The following TCF7L2 variants were observed in gnomAD, a reference collection of about 807,000 sequenced individuals.
The protein encoded by TCF7L2 is transcription factor 7 like 2.
Under a neutral mutation model 77.9 loss-of-function variants are expected in TCF7L2, and 23 were observed. The observed-to-expected ratio is 0.30, with a 90% CI of 0.21 to 0.42. TCF7L2 has a LOEUF of 0.42. TCF7L2 is among the 10% of genes least tolerant of loss of function. The probability of loss-of-function intolerance (pLI) is 1.00; values close to 1 mark genes in which losing one functional copy is unlikely to be tolerated. For synonymous variants in TCF7L2, 413 were observed against 340.2 expected, an observed-to-expected ratio of 1.21 and a Z score of -2.36; for missense variants, 654 against 793.1, an observed-to-expected ratio of 0.82 and a Z score of 2.11.
At chr10:112,989,652 G>A (rs1001632408) in intron 4 of TCF7L2, among the ~76,000 whole-genome samples, 1 of 152,126 alleles carries the variant, frequency 6.6e-6, no homozygotes, top group Non-Finnish European at 1.5e-5. Context: ...ATAAATAGGC[G>A]CGTTGCTATG....
intron 4 of TCF7L2, among the ~76,000 whole-genome samples, chr10:113,012,615 A>G (rs977240578): frequency 6.6e-6 from 1 of 152,204 alleles, no homozygotes; most frequent in Non-Finnish European, 1.5e-5. Context: ...CTGTGATGAA[A>G]GGGTTTGCTG....
intron 3 of TCF7L2, among the ~76,000 whole-genome samples, chr10:112,961,383 C>T (rs1023537570): frequency 6.6e-6 from 1 of 152,064 alleles, no homozygotes; most frequent in Non-Finnish European, 1.5e-5. Context: ...CGCAGTCTCA[C>T]CTCATATTCC....
intron 5 of TCF7L2, among the ~76,000 whole-genome samples, chr10:113,091,349 A>G (rs2060384967): frequency 6.6e-6 from 1 of 152,214 alleles, no homozygotes; most frequent in Non-Finnish European, 1.5e-5. Flanking sequence ...TTTTGACACT[A>G]TAACATGTGC....
intron 4 of TCF7L2, among the ~76,000 whole-genome samples, chr10:112,988,715 T>C (rs563631600): frequency 6.6e-6 from 1 of 152,356 alleles, no homozygotes; most frequent in East Asian, 1.9e-4. Flanking sequence ...GCTCACATTT[T>C]TGAGGTCCTC....
chr10:113,154,193 G>A (rs957911006), intron 11 of TCF7L2, among the ~76,000 whole-genome samples: 1 of 152,150 alleles, frequency 6.6e-6, no homozygotes, highest in Non-Finnish European at 1.5e-5. Flanking sequence ...GAAAGTGAAT[G>A]CTCTCCCACA....
At chr10:113,078,112 T>G (rs2058923204) in intron 5 of TCF7L2, among the ~76,000 whole-genome samples, 1 of 138,864 alleles carries the variant, frequency 7.2e-6, no homozygotes, top group Non-Finnish European at 1.5e-5. Flanking sequence ...ATTCATCAGT[T>G]GATGGCAAGC....
chr10:112,995,455 G>A (rs1564760543), intron 4 of TCF7L2, among the ~76,000 whole-genome samples: 1 of 152,162 alleles, frequency 6.6e-6, no homozygotes, highest in African/African-American at 2.4e-5. Flanking sequence ...GGCTGTCCAC[G>A]TTCATGCAAT....
At chr10:113,048,979 A>G (rs755682251) in intron 5 of TCF7L2, among the ~76,000 whole-genome samples, 3 of 152,118 alleles carry the variant, frequency 2.0e-5, no homozygotes, top group Non-Finnish European at 4.4e-5. Context: ...AGAAGGAGAA[A>G]ACAACTGGAT....
At chr10:113,054,095 G>A (rs1210056044) in intron 5 of TCF7L2, among the ~76,000 whole-genome samples, 1 of 152,228 alleles carries the variant, frequency 6.6e-6, no homozygotes, top group Non-Finnish European at 1.5e-5. Flanking sequence ...GATGCTGTTA[G>A]TTCCTGTTGA....
At chr10:113,129,591 A>T in intron 5 of TCF7L2, 1 of 1,104,738 alleles carries the variant, frequency 9.1e-7, no homozygotes, top group Non-Finnish European at 1.1e-6. Flanking sequence ...GGATGTGTGT[A>T]CAGGGGGAAG....
At chr10:113,059,054 G>A (rs989151975) in intron 5 of TCF7L2, among the ~76,000 whole-genome samples, 2 of 152,154 alleles carry the variant, frequency 1.3e-5, no homozygotes, top group Non-Finnish European at 2.9e-5. Context: ...GATAAAAAGA[G>A]TAGGAAAGTG....
At chr10:113,077,483 C>T (rs903237561) in intron 5 of TCF7L2, among the ~76,000 whole-genome samples, 2 of 152,130 alleles carry the variant, frequency 1.3e-5, no homozygotes, top group African/African-American at 4.8e-5. Flanking sequence ...TTAGCTCTCA[C>T]TCCCCATTTC....
intron 3 of TCF7L2, among the ~76,000 whole-genome samples, chr10:112,958,697 A>T (rs986237661): frequency 3.9e-5 from 6 of 152,150 alleles, no homozygotes; most frequent in African/African-American, 1.2e-4. Context: ...ATATTAGTAA[A>T]ATGCTTAAAA....
At chr10:113,116,932 C>T (rs919100993) in intron 5 of TCF7L2, among the ~76,000 whole-genome samples, 9 of 152,180 alleles carry the variant, frequency 5.9e-5, no homozygotes, top group African/African-American at 2.2e-4. Context: ...TGAAGGAAAA[C>T]GCAGTATGAG....
At chr10:112,985,417 C>T (rs747415476) in intron 4 of TCF7L2, among the ~76,000 whole-genome samples, 1 of 148,602 alleles carries the variant, frequency 6.7e-6, no homozygotes, top group African/African-American at 2.4e-5. Flanking sequence ...TTTTAGTGAC[C>T]CCCTCCCCCA....
rs1019770966 is a variant in TCF7L2, at chr10:113,025,528, C to T, written c.451-14497C>T. Among the ~76,000 whole-genome samples, 9 of 152,026 alleles carry T rather than the reference C, an allele frequency of 5.9e-5. No homozygotes were observed. In the South Asian group the frequency reaches 1.7e-3, roughly 28 times the overall value. On this transcript the variant is annotated intron_variant, in intron 4 of 13. Coordinates refer to ENST00000627217, the MANE Select transcript of TCF7L2 (RefSeq NM_001146274.2). ...TGATGGGATTATAGGCATGAGCCAC[C>T]GTGCCCAGCCTTGGCTAATTTTTTA...
At chr10:113,127,563 GTTGTT>G (rs148158547) in intron 5 of TCF7L2, among the ~76,000 whole-genome samples, 80 of 151,764 alleles carry the variant, frequency 5.3e-4, no homozygotes, top group Middle Eastern at 3.4e-3. Flanking sequence ...TTTTGTTGTT[GTTGTT>G]TTGTTTTGTT....
At chr10:113,117,881 T>G (rs1382717322) in intron 5 of TCF7L2, among the ~76,000 whole-genome samples, 1 of 152,200 alleles carries the variant, frequency 6.6e-6, no homozygotes, top group Non-Finnish European at 1.5e-5. Context: ...GGCGGTTGTC[T>G]GGGGCAGGCA....
At chr10:113,006,416 G>A (rs1158589214) in intron 4 of TCF7L2, among the ~76,000 whole-genome samples, 1 of 152,200 alleles carries the variant, frequency 6.6e-6, no homozygotes, top group Non-Finnish European at 1.5e-5. Flanking sequence ...GGATCAGGCA[G>A]CAGGGGCCAG....
Sources: allele counts gnomAD v4.1 joint callset (sites outside exome capture counted in the v4.1 genomes callset), GRCh38; gene constraint gnomAD v4.1.1; transcripts MANE v1.5; gene names NCBI Gene and HGNC (gene_info 2026-07-23, HGNC 2026-07-21).